BLTP1: variants seen among roughly 807,000 people sequenced by gnomAD.
BLTP1 encodes bridge-like lipid transfer protein family member 1.
At chr4:122,190,109 T>C in the BLTP1 span, 1 of 1,611,842 alleles carries the variant, frequency 6.2e-7, no homozygotes, top group Non-Finnish European at 8.5e-7. Context: ...TGCTGTTTTT[T>C]TTAAAGTGAC....
At chr4:122,183,060 T>C in the BLTP1 span, 1 of 979,196 alleles carries the variant, frequency 1.0e-6, no homozygotes, top group Non-Finnish European at 1.2e-6. Context: ...GCTGGGTTGG[T>C]TGCAGTAGCT....
the BLTP1 span, chr4:122,208,383 T>C: frequency 8.1e-6 from 8 of 984,482 alleles, no homozygotes; most frequent in Non-Finnish European, 9.6e-6. Flanking sequence ...GTTAAGAAAC[T>C]AGTCATCAAG....
At chr4:122,300,411 G>T in the BLTP1 span, among the ~76,000 whole-genome samples, 2 of 151,864 alleles carry the variant, frequency 1.3e-5, no homozygotes, top group Non-Finnish European at 2.9e-5. Flanking sequence ...TCCCTTTCTG[G>T]TGTATTTATT....
the BLTP1 span, among the ~76,000 whole-genome samples, chr4:122,173,410 C>T: frequency 6.6e-6 from 1 of 152,218 alleles, no homozygotes; most frequent in East Asian, 1.9e-4. Flanking sequence ...CTTGCTTGCT[C>T]AGGTCTCTTT....
chr4:122,205,705 TCC>T, the BLTP1 span, among the ~76,000 whole-genome samples: 1 of 150,088 alleles, frequency 6.7e-6, no homozygotes, highest in Non-Finnish European at 1.5e-5. Flanking sequence ...TCCAATTGTT[TCC>T]CTCTCTCTCT....
At chr4:122,189,840 T>C in the BLTP1 span, 3 of 933,750 alleles carry the variant, frequency 3.2e-6, no homozygotes, top group East Asian at 3.5e-4. Context: ...TGATTGTTCA[T>C]TGGAAAGATG....
the BLTP1 span, among the ~76,000 whole-genome samples, chr4:122,280,661 C>CT: frequency 8.6e-6 from 1 of 115,930 alleles, no homozygotes; most frequent in Non-Finnish European, 1.7e-5. Context: ...GAAATTCCAT[C>CT]TAAAAAAAAA....
At chr4:122,216,716 C>G in the BLTP1 span, among the ~76,000 whole-genome samples, 1 of 152,000 alleles carries the variant, frequency 6.6e-6, no homozygotes, top group Non-Finnish European at 1.5e-5. Context: ...TGTGGGTTGT[C>G]TGTTTATTCT....
At chr4:122,300,955 ACCAC>A in the BLTP1 span, 290 of 984,148 alleles carry the variant, frequency 2.9e-4, 3 homozygotes, top group African/African-American at 4.7e-3. Context: ...TAGTAACTTC[ACCAC>A]CAGGGGCTCT....
At chr4:122,356,097 T>C in the BLTP1 span, 1 of 796,250 alleles carries the variant, frequency 1.3e-6, no homozygotes, top group Non-Finnish European at 1.9e-6. Context: ...ATGAAATTAA[T>C]TTTCTAGGCA....
the BLTP1 span, chr4:122,231,548 A>G: frequency 1.7e-6 from 1 of 602,014 alleles, no homozygotes; most frequent in Admixed American, 6.4e-5. Flanking sequence ...AGTTTGTTTT[A>G]TCTTTTAATT....
chr4:122,168,694 A>T, the BLTP1 span, among the ~76,000 whole-genome samples: 3 of 152,044 alleles, frequency 2.0e-5, no homozygotes, highest in African/African-American at 7.2e-5. Context: ...ATACGAGAAC[A>T]TTTTTTACTC....
At chr4:122,215,834 A>G in the BLTP1 span, among the ~76,000 whole-genome samples, 1,005 of 146,270 alleles carry the variant, frequency 6.9e-3, 5 homozygotes, top group South Asian at 0.015. Flanking sequence ...TTTATCCCTC[A>G]CCCCCCCCAT....
chr4:122,184,800 A>G, the BLTP1 span: 11 of 985,214 alleles, frequency 1.1e-5, no homozygotes, highest in African/African-American at 1.7e-4. Flanking sequence ...CCCATTTCAT[A>G]CTCTCTCAGA....
At chr4:122,292,323 T>C in the BLTP1 span, 3 of 925,308 alleles carry the variant, frequency 3.2e-6, no homozygotes, top group Non-Finnish European at 3.9e-6. Flanking sequence ...CACAAAGCCA[T>C]TATTTTTTTT....
At chr4:122,158,106 T>C in the BLTP1 span, among the ~76,000 whole-genome samples, 1 of 152,226 alleles carries the variant, frequency 6.6e-6, no homozygotes, top group East Asian at 1.9e-4. Flanking sequence ...AATTTTACTT[T>C]GTTGATGCTA....
At chr4:122,238,026 G>A in the BLTP1 span, 107 of 1,458,080 alleles carry the variant, frequency 7.3e-5, 1 homozygote, top group Admixed American at 5.2e-4. Context: ...GGATTAGATT[G>A]CCATGTTTTT....
At chr4:122,177,901 A>C in the BLTP1 span, 1 of 153,236 alleles carries the variant, frequency 6.5e-6, no homozygotes, top group African/African-American at 2.4e-5. Flanking sequence ...TGCTGTATAT[A>C]TATTTATACT....
At chr4:122,289,651 T>G in the BLTP1 span, 1 of 984,054 alleles carries the variant, frequency 1.0e-6, no homozygotes, top group Non-Finnish European at 1.2e-6. Context: ...GCTCTACATT[T>G]TTCACAAGCT....
Sources: allele counts gnomAD v4.1 joint callset (sites outside exome capture counted in the v4.1 genomes callset), GRCh38; gene constraint gnomAD v4.1.1; transcripts MANE v1.5; gene names NCBI Gene and HGNC (gene_info 2026-07-23, HGNC 2026-07-21).